ABCC3: variants seen among roughly 807,000 people sequenced by gnomAD.
The protein encoded by ABCC3 is ATP-binding cassette sub-family C member 3.
In ABCC3, 121 loss-of-function variants were observed where a neutral mutation model predicts 165.3. That is an observed-to-expected ratio of 0.73 (90% CI 0.63 to 0.85). The LOEUF (loss-of-function observed/expected upper bound fraction) is 0.85. Ranked by LOEUF, ABCC3 falls within the 40% of genes least tolerant of loss-of-function variation. ABCC3 has a pLI of 0.00. For synonymous variants in ABCC3, 733 were observed against 810.1 expected (o/e 0.90, Z 1.62); for missense variants, 1,869 against 1,964.1 (o/e 0.95, Z 0.92).
intron 23 of ABCC3, among the ~76,000 whole-genome samples, chr17:50,677,331 CT>C (rs1363733769): frequency 6.6e-6 from 1 of 152,190 alleles, no homozygotes; most frequent in Non-Finnish European, 1.5e-5. Flanking sequence ...TGTAAAAGGC[CT>C]TTGCAGACAC....
chr17:50,676,334 C>G lies in ABCC3; in HGVS notation c.3124C>G (p.Arg1042Gly). The G allele has an allele frequency of 6.2e-7, 1 of 1,614,114 alleles. No homozygotes were observed. The highest frequency in any genetic ancestry group is 8.5e-7 in the Non-Finnish European group (1 of 1,179,986). Residue 1042 changes from arginine to glycine, a missense_variant, in exon 23 of 31, where the codon CGT becomes GGT. Physicochemically the swap from Arg to Gly is moderately radical, Grantham distance 125. Transcript: ENST00000285238. ...AMAAGGIQAARVLHQALLHNK... is the reference protein window; with the variant it reads ...AMAAGGIQAAGVLHQALLHNK... Reference sequence around the variant, plus strand: ...GGCAGCGGGTGGCATCCAGGCTGCCCGTGTGTTGCACCAGGCACTGCTGCA... The same window carrying G: ...GGCAGCGGGTGGCATCCAGGCTGCCGGTGTGTTGCACCAGGCACTGCTGCA...
At chr17:50,673,256 C>A in intron 18 of ABCC3, 118 bp downstream of exon 18, 1 of 1,368,672 alleles carries the variant, frequency 7.3e-7, no homozygotes, top group Non-Finnish European at 1.0e-6. Context: ...AAGAAGTGGG[C>A]ATGTGGGTTG....
Position 50,663,972 on chromosome 17 carries a change from T to A in ABCC3, c.1199T>A (p.Val400Asp). The change falls in exon 10 of 31, where the codon GTC (valine) becomes GAC (aspartate). Residue 400 changes from valine to aspartate, a missense_variant. Val to Asp is a radical substitution (Grantham distance 152). Transcript: ENST00000285238. ...YRKALVITNS[V>D]KRASTVGEIV... ...CAGGCTCTGGTTATCACCAACTCAG[T>A]CAAACGTGCGTCCACTGTGGGGGAA... The A allele has an allele frequency of 6.2e-7, 1 of 1,614,100 alleles. No homozygotes were observed. The highest frequency in any genetic ancestry group is 8.5e-7 in the Non-Finnish European group (1 of 1,180,014).
Position 50,673,627 on chromosome 17 carries a change from G to A in ABCC3, c.2568G>A (p.Glu856=), listed in dbSNP as rs757350787. 2.5e-6 allele frequency: 4 copies of A among 1,614,076 alleles called. No individual in the cohort carries two copies. Among genetic ancestry groups the A allele is most frequent in the Admixed American group, 1.7e-5 (1 of 60,002 alleles). The change falls in exon 19 of 31, where the codon GAG becomes GAA. Residue 856 remains glutamate (E), a synonymous_variant. Transcript: ENST00000285238. The stretch of plus-strand genomic sequence containing the variant: ...TTCTCTGCAACTATGCCCCCGATGA[G>A]GACCAAGGGCACCTGGAGGACAGCT... ...ANFLCNYAPD[E]DQGHLEDSWT... is the part of the protein sequence containing the mutation.
At chr17:50,677,614 G>A (rs1170982518) in intron 23 of ABCC3, 130 bp from the exon 24 acceptor site, 1 of 878,406 alleles carries the variant, frequency 1.1e-6, no homozygotes, top group African/African-American at 1.7e-5. Flanking sequence ...GTGGGGGAAG[G>A]CAGCGATGTC....
chr17:50,658,963 C>T (rs995428634), intron 6 of ABCC3, among the ~76,000 whole-genome samples: 10 of 152,266 alleles, frequency 6.6e-5, no homozygotes, highest in African/African-American at 2.2e-4. Flanking sequence ...CCCCAGGCAG[C>T]GTGGATTCCA....
In ABCC3 at chr17:50,660,953, T is replaced by C; in HGVS notation, c.837T>C (p.Asn279=). Residue 279 remains asparagine, a synonymous_variant, in exon 8 of 31, where the codon AAT becomes AAC. Coordinates refer to ENST00000285238, the MANE Select transcript of ABCC3 (RefSeq NM_003786.4). ...AGGCTTCAGCAGCACCTGGGAAAAA[T>C]GCCTCCGGCGAGGACGAGGTGCTGC... The part of the protein sequence containing the change: ...RHKASAAPGK[N]ASGEDEVLLG... The C allele has an allele frequency of 6.2e-7, 1 of 1,610,858 alleles. No individual in the cohort carries two copies. The highest frequency in any genetic ancestry group is 1.3e-5 in the African/African-American group (1 of 74,940).
At chr17:50,658,383 G>C in intron 5 of ABCC3, 52 bp from the exon 6 acceptor site, 1 of 1,592,730 alleles carries the variant, frequency 6.3e-7, no homozygotes, top group Non-Finnish European at 8.6e-7. Flanking sequence ...ACTCTGCTTT[G>C]AGAGGGTGGT....
intron 26 of ABCC3, among the ~76,000 whole-genome samples, chr17:50,681,140 C>T (rs945539161): frequency 1.3e-5 from 2 of 152,040 alleles, no homozygotes; most frequent in African/African-American, 4.8e-5. Context: ...CACACCACGG[C>T]TGCATGTTCC....
At chr17:50,687,213 T>C (rs967262062) in intron 29 of ABCC3, 5 of 348,022 alleles carry the variant, frequency 1.4e-5, no homozygotes, top group Middle Eastern at 8.1e-4. Context: ...AAATGGCTGA[T>C]AGAGTGAAGC....
At chr17:50,651,180 A>G (rs1247004923) in intron 1 of ABCC3, among the ~76,000 whole-genome samples, 3 of 152,116 alleles carry the variant, frequency 2.0e-5, no homozygotes, top group Non-Finnish European at 4.4e-5. Context: ...TGGTAAATCT[A>G]TGAACCATAA....
chr17:50,671,745 C>A, intron 17 of ABCC3, among the ~76,000 whole-genome samples: 1 of 114,912 alleles, frequency 8.7e-6, no homozygotes, highest in African/African-American at 3.1e-5. Flanking sequence ...GACAAGGCTT[C>A]ACTCTGTTGC....
intron 1 of ABCC3, among the ~76,000 whole-genome samples, chr17:50,639,641 C>A (rs532036132): frequency 2.1e-4 from 32 of 152,222 alleles, no homozygotes; most frequent in African/African-American, 7.2e-4. Context: ...GGTGGCTGGG[C>A]CCCTCCCCTT....
In ABCC3 at chr17:50,640,780, C is replaced by A. The variant is rs150899875; in HGVS notation, c.45+5799C>A. Among the ~76,000 whole-genome samples the A allele has an allele frequency of 6.9e-4, 105 of 152,354 alleles. 1 individual carries two copies. The highest frequency in any genetic ancestry group is 2.5e-3 in the African/African-American group (104 of 41,578). ...TCAGGGGACCCACCCTCCTCGGCCT[C>A]CCAAAGTGCTGGGATTACAGCACAG... On this transcript the variant is annotated intron_variant, in intron 1 of 30. Transcript: ENST00000285238.
intron 23 of ABCC3, among the ~76,000 whole-genome samples, chr17:50,677,038 C>A: frequency 6.6e-6 from 1 of 152,304 alleles, no homozygotes; most frequent in South Asian, 2.1e-4. Flanking sequence ...TGCGCCACCA[C>A]GCCCAGCTAA....
intron 11 of ABCC3, 73 bp downstream of exon 11, chr17:50,665,318 C>A: frequency 7.2e-7 from 1 of 1,394,922 alleles, no homozygotes; most frequent in Non-Finnish European, 1.0e-6. Context: ...TGTCCACTAA[C>A]CTTGGGGCCT....
At chr17:50,656,610 G>C (rs1967254187) in intron 2 of ABCC3, 92 bp from the exon 3 acceptor site, 3 of 1,508,362 alleles carry the variant, frequency 2.0e-6, no homozygotes, top group Non-Finnish European at 2.7e-6. Flanking sequence ...AGGTCTAGTG[G>C]ATTCTGGTGG....
chr17:50,675,795 G>A lies in ABCC3; in HGVS notation c.2859+20G>A, dbSNP rs1386436778. 5 of 1,582,228 alleles carry A rather than the reference G, an allele frequency of 3.2e-6. No individual in the cohort carries two copies. The South Asian group carries it at 5.7e-5, about 18-fold the overall frequency. On this transcript the variant is annotated intron_variant, in intron 21 of 30. Transcript: ENST00000285238. ...GGCACTGTGAGTCGGTGGGGCAAGAGGGGCTGGAGGGGATGGACAGGCAGG... is the reference window on the plus strand; with the variant it reads ...GGCACTGTGAGTCGGTGGGGCAAGAAGGGCTGGAGGGGATGGACAGGCAGG...
chr17:50,648,875 G>A (rs1357280061), intron 1 of ABCC3, among the ~76,000 whole-genome samples: 1 of 152,202 alleles, frequency 6.6e-6, no homozygotes, highest in Non-Finnish European at 1.5e-5. Flanking sequence ...AGCACTTTGG[G>A]AGGCCGAGGC....
Sources: allele counts gnomAD v4.1 joint callset (sites outside exome capture counted in the v4.1 genomes callset), GRCh38; gene constraint gnomAD v4.1.1; transcripts MANE v1.5; gene names NCBI Gene and HGNC (gene_info 2026-07-23, HGNC 2026-07-21).